CHD1: variants seen among roughly 807,000 people sequenced by gnomAD.
CHD1 encodes chromodomain helicase DNA binding protein 1.
In CHD1, 36 loss-of-function variants were observed where a neutral mutation model predicts 224.2. That is an observed-to-expected ratio of 0.16 (90% CI 0.12 to 0.21). The LOEUF (loss-of-function observed/expected upper bound fraction) is 0.21, where lower values mean the gene tolerates loss of function less well. Among genes scored for constraint, CHD1 ranks in the 10% least tolerant of loss-of-function variants. CHD1 has a pLI of 1.00. For missense variants in CHD1, 1,378 were observed against 1,994.8 expected (o/e 0.69, Z 5.89); for synonymous variants, 668 against 658.3 (o/e 1.01, Z -0.23).
At chr5:98,906,489 A>T (rs1752060650) in intron 2 of CHD1, among the ~76,000 whole-genome samples, 1 of 152,206 alleles carries the variant, frequency 6.6e-6, no homozygotes, top group Non-Finnish European at 1.5e-5. Context: ...TAAGCAAAAT[A>T]TTTCATTTAT....
intron 10 of CHD1, among the ~76,000 whole-genome samples, 160 bp from the exon 11 acceptor site, chr5:98,897,480 C>T (rs543747952): frequency 6.6e-6 from 1 of 152,250 alleles, no homozygotes; most frequent in Non-Finnish European, 1.5e-5. Flanking sequence ...TCAGTCAATA[C>T]TGTTTTCTAC....
At chr5:98,925,816 C>T (rs1341428102) in intron 2 of CHD1, among the ~76,000 whole-genome samples, 2 of 150,996 alleles carry the variant, frequency 1.3e-5, no homozygotes, top group African/African-American at 4.9e-5. Context: ...AATATGGTAG[C>T]CACTAGCCAC....
Position 98,856,648 on chromosome 5 carries a change from C to T in CHD1, c.4865G>A (p.Ser1622Asn), listed in dbSNP as rs750050422. 2 of 1,613,752 alleles carry T rather than the reference C, an allele frequency of 1.2e-6. No homozygotes were observed. Among genetic ancestry groups the T allele is most frequent in the Non-Finnish European group, 1.7e-6 (2 of 1,179,764 alleles). Residue 1622 changes from serine (S) to asparagine (N), a missense_variant, in exon 36 of 36, where the codon AGT becomes AAT. By Grantham distance (46) the Ser-to-Asn change is conservative. This residue lies in a region of CHD1 where 278 missense variants were observed against 298.5 expected (regional missense o/e 0.93). Coordinates refer to ENST00000614616, the MANE Select transcript of CHD1 (RefSeq NM_001270.4). ...ATCAGAATGAGATCTATCTTTTAAA[C>T]TTCCTTCCAAATTTGACCTGTGATC... is the stretch of plus-strand genomic sequence containing the variant. ...SRDHRSNLEGSLKDRSHSDHR... is the reference protein window; with the variant it reads ...SRDHRSNLEGNLKDRSHSDHR...
At chr5:98,874,788 T>A (rs919498642) in intron 25 of CHD1, among the ~76,000 whole-genome samples, 1 of 151,940 alleles carries the variant, frequency 6.6e-6, no homozygotes, top group Non-Finnish European at 1.5e-5. Flanking sequence ...TTTTAAGTTA[T>A]TGATGAAAAA....
chr5:98,858,914 T>TA (rs751382695), intron 34 of CHD1, 50 bp downstream of exon 34: 7 of 1,322,346 alleles, frequency 5.3e-6, no homozygotes, highest in Admixed American at 2.7e-5. Flanking sequence ...AACAAAAATT[T>TA]AAAAAAAATT....
intron 14 of CHD1, 38 bp downstream of exon 14, chr5:98,893,378 A>G (rs1414679318): frequency 1.4e-6 from 2 of 1,413,256 alleles, no homozygotes; most frequent in Non-Finnish European, 1.9e-6. Flanking sequence ...TAAACATAAT[A>G]TCCACACAAT....
At chr5:98,901,972 T>C (rs1320440931) in intron 5 of CHD1, among the ~76,000 whole-genome samples, 1 of 152,150 alleles carries the variant, frequency 6.6e-6, no homozygotes, top group Non-Finnish European at 1.5e-5. Context: ...TTCTGCTTCA[T>C]TGCTCTGTAT....
chr5:98,906,110 G>T (rs537325943), intron 2 of CHD1, among the ~76,000 whole-genome samples: 1 of 152,122 alleles, frequency 6.6e-6, no homozygotes, highest in African/African-American at 2.4e-5. Context: ...TCCAGAGCAA[G>T]AATTTAGTAA....
rs948907116 is a variant in CHD1 at position 98,928,967 on chromosome 5, A to G, written c.-577T>C. 6.5e-6 allele frequency: 1 copy of G among 153,252 alleles called. No individual in the cohort carries two copies. The highest frequency in any genetic ancestry group is 1.5e-5 in the Non-Finnish European group (1 of 68,612). 9.5% of individuals were successfully genotyped at this position (153,252 alleles called of 1,614,324 possible). On this transcript the variant is annotated 5_prime_UTR_variant, in exon 1 of 36. Transcript: ENST00000614616. Reference sequence around the variant, plus strand: ...GTCGCCTCCGCCTCCCGCGCGACGTAAGCGCCTCTGCTCACTCCCCTTCCC... The same window carrying G: ...GTCGCCTCCGCCTCCCGCGCGACGTGAGCGCCTCTGCTCACTCCCCTTCCC...
intron 18 of CHD1, among the ~76,000 whole-genome samples, chr5:98,884,759 T>C (rs1379691425): frequency 6.6e-6 from 1 of 151,482 alleles, no homozygotes; most frequent in Non-Finnish European, 1.5e-5. Flanking sequence ...CTCTATTGCC[T>C]GGGCTAGAGT....
rs33988135 is a variant in CHD1, at chr5:98,916,545, CAAAAAAAAAAAA to C, written c.53+9777_53+9788del. On this transcript the variant is annotated intron_variant, in intron 2 of 35. Transcript: ENST00000614616. ...GGGCAACAAGAGTGAAACTCCGTCTCAAAAAAAAAAAAAAAAAAAAAAAAAGGTTTAAAAATA... is the reference window on the plus strand; with the variant it reads ...GGGCAACAAGAGTGAAACTCCGTCTCAAAAAAAAAAAAAGGTTTAAAAATA... Among the ~76,000 whole-genome samples, 18 of 40,432 alleles carry C rather than the reference CAAAAAAAAAAAA, an allele frequency of 4.5e-4. No individual in the cohort carries two copies. The South Asian group carries it at 6.9e-3, about 16-fold the overall frequency. The allele number at this position is 40,432 out of a possible 152,430, so 26.5% of individuals were successfully genotyped here.
Position 98,872,418 on chromosome 5 carries a change from GCTTT to G in CHD1, c.3705_3708del (p.Arg1235SerfsTer16). ...CAATGGAGAAAATAAATCACTCACT[GCTTT>G]CTTTCTTCTGGATCAGAAGGAATGG... On this transcript the variant is annotated frameshift_variant and splice_region_variant, in exon 27 of 36. Coordinates refer to ENST00000614616, the MANE Select transcript of CHD1 (RefSeq NM_001270.4). LOFTEE classifies it high-confidence loss of function. The G allele has an allele frequency of 6.2e-7, 1 of 1,605,674 alleles. No individual in the cohort carries two copies. Among genetic ancestry groups the G allele is most frequent in the Non-Finnish European group, 8.5e-7 (1 of 1,177,598 alleles).
intron 32 of CHD1, among the ~76,000 whole-genome samples, chr5:98,861,072 C>T (rs372012809): frequency 6.6e-6 from 1 of 152,170 alleles, no homozygotes; most frequent in East Asian, 1.9e-4. Context: ...ATCCGAATGA[C>T]TGTCTGATCT....
chr5:98,856,622 G>C lies in CHD1; in HGVS notation c.4891C>G (p.His1631Asp). ...GSLKDRSHSD[H>D]RSHSDHRLHS... ...AACCGATGATCTGAGTGAGAACGAT[G>C]ATCAGAATGAGATCTATCTTTTAAA... is the stretch of plus-strand genomic sequence containing the variant. The change falls in exon 36 of 36, where the codon CAT (histidine) becomes GAT (aspartate). Residue 1631 changes from histidine to aspartate, a missense_variant. Transcript: ENST00000614616. The C allele has an allele frequency of 6.2e-7, 1 of 1,613,586 alleles. No individual in the cohort carries two copies. Among genetic ancestry groups the C allele is most frequent in the Non-Finnish European group, 8.5e-7 (1 of 1,179,638 alleles).
intron 31 of CHD1, among the ~76,000 whole-genome samples, chr5:98,863,974 A>G (rs753848356): frequency 2.0e-5 from 3 of 152,220 alleles, no homozygotes; most frequent in Non-Finnish European, 4.4e-5. Context: ...ACAGGGTAAA[A>G]TGATTTTAGC....
chr5:98,869,622 G>GCGCGCA (rs1554074391), intron 30 of CHD1, 132 bp downstream of exon 30: 10 of 717,982 alleles, frequency 1.4e-5, no homozygotes, highest in African/African-American at 9.8e-5. Flanking sequence ...ACGTGCGCGC[G>GCGCGCA]CACACACACA....
rs1751404225 is a variant in CHD1 at position 98,897,262 on chromosome 5, C to T, written c.1424G>A (p.Gly475Glu). ...ATCTCTTAATTCTAAGCCCTCATGT[C>T]CTCCAATATAGGATGGCTGCTTCTT... Reference protein sequence around the residue: ...ALKKQPSYIGGHEGLELRDYQ... With the variant: ...ALKKQPSYIGEHEGLELRDYQ... Residue 475 changes from glycine (G) to glutamate (E), a missense_variant, in exon 11 of 36, where the codon GGA becomes GAA. This residue lies in a region of CHD1 where 86 missense variants were observed against 97.7 expected (regional missense o/e 0.88). Coordinates refer to ENST00000614616, the MANE Select transcript of CHD1 (RefSeq NM_001270.4). The T allele has an allele frequency of 6.2e-7, 1 of 1,612,042 alleles. No homozygotes were observed. The highest frequency in any genetic ancestry group is 1.3e-5 in the African/African-American group (1 of 74,866).
chr5:98,902,449 C>T (rs1325109509), intron 5 of CHD1, among the ~76,000 whole-genome samples: 2 of 152,038 alleles, frequency 1.3e-5, no homozygotes, highest in Non-Finnish European at 2.9e-5. Flanking sequence ...TTAATACTTT[C>T]TGGGTCCAGA....
At chr5:98,905,163 A>C (rs1751962362) in intron 2 of CHD1, 65 bp from the exon 3 acceptor site, 21 of 1,587,864 alleles carry the variant, frequency 1.3e-5, no homozygotes, top group Non-Finnish European at 1.6e-5. Flanking sequence ...CTTAGACGTC[A>C]GCAGAAAGCC....
Sources: gnomAD v4.1 joint callset for allele counts (sites outside exome capture counted in the v4.1 genomes callset) on GRCh38, gnomAD v4.1.1 for gene constraint, gnomAD v4.1.1 regional missense constraint, MANE v1.5 for transcripts, NCBI Gene and HGNC (gene_info 2026-07-23, HGNC 2026-07-21) for gene names.